Variants in PPM1D observed in about 807,000 individuals in gnomAD.
PPM1D encodes protein phosphatase, Mg2+/Mn2+ dependent 1D.
Under a neutral mutation model 58.3 loss-of-function variants are expected in PPM1D, and 52 were observed. That is an observed-to-expected ratio of 0.89 (90% confidence interval 0.71 to 1.12). The LOEUF is 1.12. Ranked by LOEUF, PPM1D falls within the 50% of genes most tolerant of loss-of-function variation. The pLI, the probability that PPM1D is intolerant of heterozygous loss-of-function variation, is 0.00. For synonymous variants in PPM1D, 278 were observed against 285.1 expected (o/e 0.98, Z 0.25); for missense variants, 564 against 777.2 (o/e 0.73, Z 3.26).
Position 60,663,171 on chromosome 17 carries a change from T to TA in PPM1D, c.1440dup (p.Ala481SerfsTer8), listed in dbSNP as rs749097315. ...CAGAACCACTTGAAGAAAATTGCGC[T>TA]AAAGCCCTGACTTTAAGGATACATG... is the stretch of plus-strand genomic sequence containing the variant. On this transcript the variant is annotated frameshift_variant, in exon 6 of 6. Transcript: ENST00000305921. LOFTEE classifies it high-confidence loss of function. The TA allele has an allele frequency of 1.2e-6, 2 of 1,614,124 alleles. No homozygotes were observed. Among genetic ancestry groups the TA allele is most frequent in the Non-Finnish European group, 8.5e-7 (1 of 1,179,946 alleles).
chr17:60,611,567 T>G (rs571635220), intron 1 of PPM1D, among the ~76,000 whole-genome samples: 6 of 152,096 alleles, frequency 3.9e-5, no homozygotes, highest in African/African-American at 7.2e-5. Context: ...TACAGGCATG[T>G]GCTACAATGC....
intron 1 of PPM1D, among the ~76,000 whole-genome samples, chr17:60,608,379 A>C (rs1031185014): frequency 6.6e-6 from 1 of 152,168 alleles, no homozygotes; most frequent in South Asian, 2.1e-4. Context: ...AAACATTACC[A>C]GGCCGGGCAT....
intron 3 of PPM1D, among the ~76,000 whole-genome samples, 156 bp downstream of exon 3, chr17:60,634,133 A>G (rs1337229571): frequency 6.6e-6 from 1 of 152,182 alleles, no homozygotes; most frequent in Non-Finnish European, 1.5e-5. Flanking sequence ...AATCGAAGCC[A>G]TGCATGGTGG....
Position 60,613,569 on chromosome 17 carries a change from G to C in PPM1D, c.473-9952G>C, listed in dbSNP as rs373993214. On this transcript the variant is annotated intron_variant, in intron 1 of 5. Coordinates refer to ENST00000305921, the MANE Select transcript of PPM1D (RefSeq NM_003620.4). The stretch of plus-strand genomic sequence containing the variant: ...ACTGTGGGAGCCCCTCCCTGGGCTG[G>C]CCGAGGCCGGAGCCGGCTCCCTCAG... Among the ~76,000 whole-genome samples the C allele has an allele frequency of 2.0e-5, 3 of 152,250 alleles. No homozygotes were observed. The East Asian group carries it at 5.8e-4, about 29-fold the overall frequency.
chr17:60,651,554 T>C (rs138386813), intron 4 of PPM1D, among the ~76,000 whole-genome samples: 7,788 of 151,848 alleles, frequency 0.051, 689 homozygotes, highest in African/African-American at 0.18. Flanking sequence ...CGCGCCACCA[T>C]GCCTGGCTAA....
At chr17:60,633,463 A>G (rs979243267) in intron 2 of PPM1D, among the ~76,000 whole-genome samples, 1 of 151,964 alleles carries the variant, frequency 6.6e-6, no homozygotes, top group East Asian at 1.9e-4. Flanking sequence ...GCTGGAGTAC[A>G]GTGGTGTGAT....
intron 5 of PPM1D, chr17:60,657,076 C>A: frequency 1.4e-6 from 2 of 1,398,670 alleles, no homozygotes; most frequent in Non-Finnish European, 9.3e-7. Flanking sequence ...TTATTGTTTG[C>A]CATCTAATGC....
intron 5 of PPM1D, among the ~76,000 whole-genome samples, chr17:60,658,572 C>G (rs1374907399): frequency 1.3e-5 from 2 of 150,480 alleles, no homozygotes; most frequent in Admixed American, 1.3e-4. Context: ...CGCTTGAACC[C>G]AGGAGGCGGA....
intron 3 of PPM1D, among the ~76,000 whole-genome samples, chr17:60,636,967 A>ATTTT (rs5821296): frequency 7.4e-6 from 1 of 135,302 alleles, no homozygotes; most frequent in Non-Finnish European, 1.6e-5. Context: ...CCTACTCATG[A>ATTTT]TTTTTTTTTT....
At chr17:60,639,085 C>A (rs1041679783) in intron 3 of PPM1D, among the ~76,000 whole-genome samples, 7 of 152,086 alleles carry the variant, frequency 4.6e-5, no homozygotes, top group Non-Finnish European at 8.8e-5. Flanking sequence ...GGTTGAAAGG[C>A]ATTCATCAGA....
In PPM1D at chr17:60,656,832, A is replaced by G; in HGVS notation, c.1251A>G (p.Pro417=). 1.2e-6 allele frequency: 2 copies of G among 1,614,098 alleles called. No homozygotes were observed. Among genetic ancestry groups the G allele is most frequent in the Non-Finnish European group, 1.7e-6 (2 of 1,179,942 alleles). The part of the protein sequence containing the change: ...CVMTPSPCST[P]PVKSLEEDPW... Reference sequence around the variant, plus strand: ...TGACTCCTTCCCCATGTTCTACACCACCAGTCAAGGTATATAGTTCCATAG... The same window carrying G: ...TGACTCCTTCCCCATGTTCTACACCGCCAGTCAAGGTATATAGTTCCATAG... Residue 417 remains proline (P), a synonymous_variant, in exon 5 of 6, where the codon CCA becomes CCG. Coordinates refer to ENST00000305921, the MANE Select transcript of PPM1D (RefSeq NM_003620.4).
chr17:60,643,752 C>T (rs1448019800), intron 3 of PPM1D, among the ~76,000 whole-genome samples: 1 of 152,008 alleles, frequency 6.6e-6, no homozygotes, highest in Non-Finnish European at 1.5e-5. Flanking sequence ...AAGGACATGA[C>T]ATCAGCAATG....
At chr17:60,620,987 A>G (rs990600669) in intron 1 of PPM1D, among the ~76,000 whole-genome samples, 1 of 151,728 alleles carries the variant, frequency 6.6e-6, no homozygotes, top group Non-Finnish European at 1.5e-5. Flanking sequence ...CAGCGGCACG[A>G]TCTTGGCTCA....
intron 3 of PPM1D, among the ~76,000 whole-genome samples, chr17:60,634,938 GC>G (rs1348597718): frequency 6.6e-6 from 1 of 151,616 alleles, no homozygotes; most frequent in Non-Finnish European, 1.5e-5. Context: ...GAGCCACCAC[GC>G]CTGGCTAATT....
intron 1 of PPM1D, among the ~76,000 whole-genome samples, chr17:60,610,200 G>A (rs1257921389): frequency 6.7e-6 from 1 of 150,290 alleles, no homozygotes; most frequent in Admixed American, 6.6e-5. Context: ...AAAAAGATAT[G>A]TATGTACGTA....
intron 5 of PPM1D, among the ~76,000 whole-genome samples, chr17:60,660,509 G>A (rs2031508200): frequency 6.6e-6 from 1 of 151,676 alleles, no homozygotes; most frequent in South Asian, 2.1e-4. Flanking sequence ...GATCATTTTA[G>A]AAACGAGTTT....
At chr17:60,615,520 A>G (rs1461412543) in intron 1 of PPM1D, among the ~76,000 whole-genome samples, 4 of 152,026 alleles carry the variant, frequency 2.6e-5, no homozygotes, top group African/African-American at 9.7e-5. Flanking sequence ...AAAGTAGGAA[A>G]TAAATACTAT....
chr17:60,659,005 CTAAAG>C (rs1164041687), intron 5 of PPM1D, among the ~76,000 whole-genome samples: 5 of 151,922 alleles, frequency 3.3e-5, no homozygotes, highest in Admixed American at 6.6e-5. Flanking sequence ...AATAATACTA[CTAAAG>C]TAAAGATAAG....
chr17:60,661,097 T>A (rs2143727496), intron 5 of PPM1D, among the ~76,000 whole-genome samples: 1 of 151,682 alleles, frequency 6.6e-6, no homozygotes, highest in East Asian at 2.0e-4. Context: ...CGCATGCCTG[T>A]AGTCCTAGCT....
Sources: gnomAD v4.1 joint callset for allele counts (sites outside exome capture counted in the v4.1 genomes callset) on GRCh38, gnomAD v4.1.1 for gene constraint, MANE v1.5 for transcripts, NCBI Gene and HGNC (gene_info 2026-07-23, HGNC 2026-07-21) for gene names.